PIGU: variants seen among roughly 807,000 people sequenced by gnomAD.
PIGU encodes the protein phosphatidylinositol glycan anchor biosynthesis class U.
A neutral mutation model predicts 49.9 loss-of-function variants in PIGU; 24 were observed. The ratio of observed to expected loss-of-function variants is 0.48; its 90% confidence interval spans 0.35 to 0.68. The LOEUF is 0.68. Ranked by LOEUF, PIGU falls within the 30% of genes least tolerant of loss-of-function variation. The probability of loss-of-function intolerance (pLI) is 0.01; values close to 1 mark genes in which losing one functional copy is unlikely to be tolerated. For synonymous variants in PIGU, 220 were observed against 205.7 expected, an observed-to-expected ratio of 1.07 and a Z score of -0.59; for missense variants, 490 against 532.6, an observed-to-expected ratio of 0.92 and a Z score of 0.79.
At chr20:34,590,124 G>A (rs1983895112) in intron 7 of PIGU, among the ~76,000 whole-genome samples, 1 of 149,092 alleles carries the variant, frequency 6.7e-6, no homozygotes. Flanking sequence ...TGGGGGAAGA[G>A]AAATAATTTA....
intron 9 of PIGU, among the ~76,000 whole-genome samples, chr20:34,583,301 A>G (rs918077121): frequency 6.6e-6 from 1 of 152,226 alleles, no homozygotes; most frequent in Non-Finnish European, 1.5e-5. Flanking sequence ...CAACATTTCT[A>G]TGAAAAGGCT....
rs866238020 is a variant in PIGU at position 34,654,475 on chromosome 20, C to G, written c.195+2705G>C. ...TCCACCTGGGCAAAAGAGCAAAACT[C>G]TGTCTCAAAAAAAAAAAAAAAAAAG... On this transcript the variant is annotated intron_variant, in intron 2 of 11. Coordinates refer to ENST00000217446, the MANE Select transcript of PIGU (RefSeq NM_080476.5). 6.0e-4 allele frequency among the ~76,000 whole-genome samples: 58 copies of G among 96,676 alleles called. 11 individuals carry two copies. The highest frequency in any genetic ancestry group is 2.3e-3 in the African/African-American group (57 of 24,930). The allele number at this position is 96,676 out of a possible 152,430, so 63.4% of individuals were successfully genotyped here.
chr20:34,608,661 T>A (rs1477091781), intron 7 of PIGU, among the ~76,000 whole-genome samples: 1 of 151,884 alleles, frequency 6.6e-6, no homozygotes, highest in Admixed American at 6.6e-5. Context: ...CAAGAGCAGA[T>A]GTGTCAGCTC....
chr20:34,629,860 CA>C (rs1215501310), intron 6 of PIGU, among the ~76,000 whole-genome samples: 5 of 152,000 alleles, frequency 3.3e-5, no homozygotes, highest in African/African-American at 1.2e-4. Context: ...AGATTAAAAC[CA>C]TATTAAATCA....
intron 1 of PIGU, among the ~76,000 whole-genome samples, chr20:34,666,949 C>T (rs945072087): frequency 2.6e-5 from 4 of 152,040 alleles, no homozygotes; most frequent in African/African-American, 4.8e-5. Flanking sequence ...CCACCCGCCT[C>T]GGCCTCCCAA....
intron 1 of PIGU, among the ~76,000 whole-genome samples, chr20:34,671,838 G>A (rs1405269391): frequency 2.0e-5 from 3 of 152,002 alleles, no homozygotes; most frequent in East Asian, 2.0e-4. Context: ...AGAATGAATC[G>A]TTTGAACCTG....
intron 7 of PIGU, among the ~76,000 whole-genome samples, chr20:34,599,366 T>C (rs573794588): frequency 2.6e-5 from 4 of 152,076 alleles, no homozygotes; most frequent in Admixed American, 1.3e-4. Flanking sequence ...GACAGGAGGA[T>C]TGCTTAAGCC....
At chr20:34,667,123 T>C (rs1987129424) in intron 1 of PIGU, among the ~76,000 whole-genome samples, 1 of 152,194 alleles carries the variant, frequency 6.6e-6, no homozygotes, top group African/African-American at 2.4e-5. Context: ...ATTACAGGCA[T>C]GAGCCACTAT....
At chr20:34,640,467 A>C (rs1368022003) in intron 4 of PIGU, among the ~76,000 whole-genome samples, 1 of 151,604 alleles carries the variant, frequency 6.6e-6, no homozygotes, top group African/African-American at 2.4e-5. Flanking sequence ...ATCAATGGAA[A>C]TTTTTAAAAT....
At chr20:34,665,148 C>T (rs1987045220) in intron 1 of PIGU, among the ~76,000 whole-genome samples, 1 of 148,458 alleles carries the variant, frequency 6.7e-6, no homozygotes. Flanking sequence ...GCCTCAGCCT[C>T]CTGAGTAGCT....
At chr20:34,603,896 C>T (rs1984522233) in intron 7 of PIGU, among the ~76,000 whole-genome samples, 1 of 80,268 alleles carries the variant, frequency 1.2e-5, no homozygotes, top group Non-Finnish European at 2.6e-5. Flanking sequence ...ACACCACACC[C>T]CTACAGGGGA....
At chr20:34,668,867 CTTTTTT>C (rs374136983) in intron 1 of PIGU, among the ~76,000 whole-genome samples, 4 of 44,706 alleles carry the variant, frequency 8.9e-5, no homozygotes, top group East Asian at 7.5e-4. Flanking sequence ...AATGGTAAAA[CTTTTTT>C]TTTTTTTTTT....
rs375035288 is a variant in PIGU, at chr20:34,658,687, G to A, written c.131-1443C>T. 4.0e-3 allele frequency among the ~76,000 whole-genome samples: 589 copies of A among 147,666 alleles called. 4 individuals are homozygous for A. The highest frequency in any genetic ancestry group is 0.028 in the South Asian group (126 of 4,574). On this transcript the variant is annotated intron_variant, in intron 1 of 11. Transcript: ENST00000217446. ...AGGAGCGTCTCTGCCCAGCCGCCCC[G>A]TCTGAGAAGTGAGGAGACCCTCTGC...
At chr20:34,598,782 C>T (rs1221462062) in intron 7 of PIGU, among the ~76,000 whole-genome samples, 1 of 152,224 alleles carries the variant, frequency 6.6e-6, no homozygotes, top group Non-Finnish European at 1.5e-5. Flanking sequence ...GGAATTACGC[C>T]TCAGGCGCCA....
At chr20:34,618,471 G>T (rs1225110699) in intron 6 of PIGU, among the ~76,000 whole-genome samples, 1 of 152,116 alleles carries the variant, frequency 6.6e-6, no homozygotes, top group African/African-American at 2.4e-5. Flanking sequence ...TCTCATTAGT[G>T]TGGGGTCAAC....
intron 5 of PIGU, among the ~76,000 whole-genome samples, chr20:34,637,654 T>C (rs1158525151): frequency 6.6e-6 from 1 of 152,180 alleles, no homozygotes; most frequent in African/African-American, 2.4e-5. Context: ...AAGGGTTTGA[T>C]TGTACACAGC....
intron 10 of PIGU, chr20:34,578,894 T>G (rs1983344997): frequency 6.6e-6 from 1 of 152,194 alleles, no homozygotes; most frequent in Admixed American, 6.5e-5. Context: ...CGAGGCCAGA[T>G]GGAATCAGGT....
chr20:34,620,820 C>CAA (rs1178693587), intron 6 of PIGU, among the ~76,000 whole-genome samples: 2 of 96,676 alleles, frequency 2.1e-5, no homozygotes, highest in African/African-American at 3.4e-5. Context: ...AAAAAAAAAA[C>CAA]AAAAAAAAAA....
At chr20:34,565,815 ACAC>A (rs1982730674) in intron 11 of PIGU, among the ~76,000 whole-genome samples, 1 of 48,662 alleles carries the variant, frequency 2.1e-5, no homozygotes, top group Non-Finnish European at 5.6e-5. Flanking sequence ...TGCACTGCTC[ACAC>A]AGGCTCGCAC....
Sources: gnomAD v4.1 joint callset for allele counts (sites outside exome capture counted in the v4.1 genomes callset) on GRCh38, gnomAD v4.1.1 for gene constraint, MANE v1.5 for transcripts, NCBI Gene and HGNC (gene_info 2026-07-23, HGNC 2026-07-21) for gene names.